The following RPS6KA3 variants were observed in gnomAD, a reference collection of about 807,000 sequenced individuals.
The protein encoded by RPS6KA3 is ribosomal protein S6 kinase alpha-3.
In RPS6KA3, 4 loss-of-function variants were observed where a neutral mutation model predicts 67.2. The ratio of observed to expected loss-of-function variants is 0.06; its 90% CI spans 0.03 to 0.14. The LOEUF (loss-of-function observed/expected upper bound fraction) is 0.14. Among genes scored for constraint, RPS6KA3 ranks in the 10% least tolerant of loss-of-function variants. RPS6KA3 has a pLI of 1.00. For synonymous variants in RPS6KA3, 182 were observed against 183.7 expected (o/e 0.99, Z 0.07); for missense variants, 204 against 559.0 (o/e 0.36, Z 6.40).
chrX:20,158,365 C>CAAA (rs1209085517), intron 20 of RPS6KA3, among the ~76,000 whole-genome samples: 45 of 28,605 alleles, frequency 1.6e-3, no homozygotes, highest in Non-Finnish European at 2.2e-3. Flanking sequence ...GACTCTATCT[C>CAAA]AAAAAAAAAA....
At chrX:20,180,081 C>G (rs1179890095) in intron 10 of RPS6KA3, among the ~76,000 whole-genome samples, 1 of 109,742 alleles carries the variant, frequency 9.1e-6, no homozygotes, top group East Asian at 2.8e-4. Flanking sequence ...AGAGCAAGAC[C>G]TCATCTCCAA....
chrX:20,256,261 T>C (rs369191211), intron 1 of RPS6KA3, among the ~76,000 whole-genome samples: 14 of 106,118 alleles, frequency 1.3e-4, no homozygotes, highest in African/African-American at 4.9e-4. Flanking sequence ...AAAAAAATGA[T>C]TGCATAACTT....
chrX:20,197,406 C>T (rs766209875), intron 4 of RPS6KA3, among the ~76,000 whole-genome samples: 1 of 112,148 alleles, frequency 8.9e-6, no homozygotes, highest in East Asian at 2.8e-4. Flanking sequence ...TCTTATTTTA[C>T]CACAATGAAA....
intron 10 of RPS6KA3, among the ~76,000 whole-genome samples, chrX:20,184,233 G>A (rs1160579104): frequency 9.1e-6 from 1 of 110,429 alleles, no homozygotes; most frequent in Non-Finnish European, 1.9e-5. Context: ...ATTTTTAGTA[G>A]AGACAGGGTT....
At chrX:20,266,336 A>G (rs1257220743) in intron 1 of RPS6KA3, among the ~76,000 whole-genome samples, 1 of 111,126 alleles carries the variant, frequency 9.0e-6, no homozygotes, top group African/African-American at 3.3e-5. Flanking sequence ...CCCACGCGCC[A>G]CCACACTGGC....
intron 1 of RPS6KA3, among the ~76,000 whole-genome samples, chrX:20,262,881 A>T (rs182181568): frequency 8.9e-6 from 1 of 112,076 alleles, no homozygotes; most frequent in Non-Finnish European, 1.9e-5. Flanking sequence ...AATACTATAA[A>T]ATCTATGTAC....
At position 20,152,879 on chromosome X, in the gene RPS6KA3, T is replaced by C. The variant is rs1217735572; in HGVS notation, c.*2519A>G. 1.8e-5 allele frequency: 2 copies of C among 111,663 alleles called. No homozygotes were observed. Among genetic ancestry groups the C allele is most frequent in the Admixed American group, 9.5e-5 (1 of 10,474 alleles). The allele number at this position is 111,663 out of a possible 1,213,427, so 9.2% of individuals were successfully genotyped here. ...CCAGTAGAGGACTGCCCAAGAAATATGTAGTTTTTGAACTCAGCTACTGGT... is the reference window on the plus strand; with the variant it reads ...CCAGTAGAGGACTGCCCAAGAAATACGTAGTTTTTGAACTCAGCTACTGGT... On this transcript the variant is annotated 3_prime_UTR_variant, in exon 22 of 22. Coordinates refer to ENST00000379565, the MANE Select transcript of RPS6KA3 (RefSeq NM_004586.3).
intron 16 of RPS6KA3, 41 bp from the exon 17 acceptor site, chrX:20,167,788 T>C (rs747918541): frequency 1.6e-5 from 14 of 884,615 alleles, no homozygotes; most frequent in Non-Finnish European, 2.3e-5. Flanking sequence ...TATTTGAAAC[T>C]ATATGTGCCC....
chrX:20,187,585 G>C (rs981345534), intron 9 of RPS6KA3, among the ~76,000 whole-genome samples: 1 of 111,871 alleles, frequency 8.9e-6, no homozygotes, highest in Non-Finnish European at 1.9e-5. Context: ...TAATGCTTTA[G>C]ATTGTTACTA....
intron 4 of RPS6KA3, among the ~76,000 whole-genome samples, chrX:20,200,412 T>G (rs2068396203): frequency 8.9e-6 from 1 of 112,248 alleles, no homozygotes; most frequent in Non-Finnish European, 1.9e-5. Context: ...CATAGCTATG[T>G]TATATGATAA....
intron 2 of RPS6KA3, among the ~76,000 whole-genome samples, chrX:20,225,280 G>A (rs2069091531): frequency 1.0e-5 from 1 of 100,130 alleles, no homozygotes; most frequent in Non-Finnish European, 2.0e-5. Context: ...AAGCTCTTAG[G>A]GGTGGAGGAA....
intron 1 of RPS6KA3, among the ~76,000 whole-genome samples, chrX:20,248,190 G>A (rs1303930227): frequency 5.4e-5 from 6 of 111,734 alleles, no homozygotes; most frequent in Non-Finnish European, 7.5e-5. Flanking sequence ...GATTTTCTTA[G>A]GTTATCTAAG....
At position 20,209,627 on chromosome X, in the gene RPS6KA3, GTTA is replaced by G. The variant is rs200960834; in HGVS notation, c.127-226_127-224del. Among the ~76,000 whole-genome samples the G allele has an allele frequency of 0.022, 2,496 of 112,023 alleles. 75 individuals carry two copies. Among genetic ancestry groups the G allele is most frequent in the African/African-American group, 0.077 (2,378 of 30,778 alleles). On this transcript the variant is annotated intron_variant, in intron 2 of 21. Coordinates refer to ENST00000379565, the MANE Select transcript of RPS6KA3 (RefSeq NM_004586.3). ...ACTTTCAGGTTAAATGTCAGAGACA[GTTA>G]TTATACCAGCCTACTACATAGGCCA...
At chrX:20,264,973 A>G (rs778129660) in intron 1 of RPS6KA3, among the ~76,000 whole-genome samples, 1 of 112,485 alleles carries the variant, frequency 8.9e-6, no homozygotes, top group South Asian at 3.6e-4. Flanking sequence ...AAACATCATA[A>G]ATTTGGCTTT....
chrX:20,222,927 A>C (rs1379061237), intron 2 of RPS6KA3, among the ~76,000 whole-genome samples: 1 of 111,692 alleles, frequency 9.0e-6, no homozygotes, highest in Non-Finnish European at 1.9e-5. Context: ...AGATACACTC[A>C]CTAATTCATT....
At position 20,219,713 on chromosome X, in the gene RPS6KA3, T is replaced by C. The variant is rs750860553; in HGVS notation, c.127-10309A>G. Among the ~76,000 whole-genome samples the C allele has an allele frequency of 9.8e-5, 11 of 111,896 alleles. No homozygotes were observed. In the South Asian group the frequency reaches 2.9e-3, roughly 30 times the overall value. On this transcript the variant is annotated intron_variant, in intron 2 of 21. Transcript: ENST00000379565. The stretch of plus-strand genomic sequence containing the variant: ...TAATCCCTTACTCCATTTCATTTCA[T>C]CCTCTAATACGTTATAGAAGTTTTT...
intron 16 of RPS6KA3, among the ~76,000 whole-genome samples, chrX:20,168,823 T>A (rs1215277148): frequency 8.9e-6 from 1 of 112,248 alleles, no homozygotes; most frequent in Non-Finnish European, 1.9e-5. Flanking sequence ...TCAAATCTAC[T>A]TTTTAAACTT....
rs145529719 is a variant in RPS6KA3, at chrX:20,164,953, C to T, written c.1710G>A (p.Ala570=). ...AAGGAGTCATGAGAAGACCATTTTC[C>T]GCTCTCAGCTGTTTTGCAAAGCCAA... ...CDFGFAKQLR[A]ENGLLMTPCY... The change falls in exon 18 of 22, where the codon GCG becomes GCA. Residue 570 remains alanine (A), a synonymous_variant. Transcript: ENST00000379565. 4.5e-5 allele frequency: 54 copies of T among 1,206,508 alleles called. 1 individual carries two copies. The African/African-American group carries it at 5.4e-4, about 12-fold the overall frequency.
rs1031044229 is a variant in RPS6KA3 at position 20,152,130 on chromosome X, A to G, written c.*3268T>C. 3.6e-5 allele frequency: 4 copies of G among 112,366 alleles called. No homozygotes were observed. Among genetic ancestry groups the G allele is most frequent in the Non-Finnish European group, 7.5e-5 (4 of 53,271 alleles). 9.3% of individuals were successfully genotyped at this position (112,366 alleles called of 1,213,427 possible). On this transcript the variant is annotated 3_prime_UTR_variant, in exon 22 of 22. Coordinates refer to ENST00000379565, the MANE Select transcript of RPS6KA3 (RefSeq NM_004586.3). The stretch of plus-strand genomic sequence containing the variant: ...TCCAGACAATCATAACTGACTTTTC[A>G]CACACACAAGCTTCATAGCATCTCA...
Sources: gnomAD v4.1 joint callset for allele counts (sites outside exome capture counted in the v4.1 genomes callset) on GRCh38, gnomAD v4.1.1 for gene constraint, MANE v1.5 for transcripts, NCBI Gene and HGNC (gene_info 2026-07-23, HGNC 2026-07-21) for gene names.